SLC26A11: variants seen among roughly 807,000 people sequenced by gnomAD.
SLC26A11 encodes solute carrier family 26 member 11.
A neutral mutation model predicts 62.2 loss-of-function variants in SLC26A11; 58 were observed. The ratio of observed to expected loss-of-function variants is 0.93; its 90% CI spans 0.76 to 1.16. The LOEUF is 1.16. Ranked by LOEUF, SLC26A11 falls within the 50% of genes most tolerant of loss-of-function variation. SLC26A11 has a pLI of 0.00. For missense variants in SLC26A11, 790 were observed against 794.3 expected, an observed-to-expected ratio of 0.99 and a Z score of 0.06; for synonymous variants, 411 against 368.9, an observed-to-expected ratio of 1.11 and a Z score of -1.31.
At chr17:80,245,125 C>G in intron 10 of SLC26A11, 71 bp from the exon 11 acceptor site, 1 of 1,460,898 alleles carries the variant, frequency 6.8e-7, no homozygotes, top group Non-Finnish European at 9.6e-7. Context: ...TTTTTGTCCC[C>G]CTCCCCATCT....
chr17:80,222,896 G>A lies in SLC26A11; in HGVS notation c.427+49G>A. On this transcript the variant is annotated intron_variant, in intron 4 of 17. Transcript: ENST00000361193. The surrounding 1 kb of genome is among the most constrained non-coding windows in gnomAD (Gnocchi z 4.7). ...GGGGATGCCCTCGACCTCAGCATTT[G>A]CTTGTTTGCATTTCAAGTCTATCCC... The A allele has an allele frequency of 6.3e-7, 1 of 1,582,512 alleles. No individual in the cohort carries two copies. Among genetic ancestry groups the A allele is most frequent in the Non-Finnish European group, 8.6e-7 (1 of 1,160,738 alleles).
intron 2 of SLC26A11, 57 bp downstream of exon 2, chr17:80,221,172 G>A (rs1243339871): frequency 2.7e-5 from 5 of 183,724 alleles, no homozygotes; most frequent in Non-Finnish European, 3.3e-5. Context: ...TCCCTGGGGA[G>A]ACGGAAAAAA....
In SLC26A11 at chr17:80,246,735, GC is replaced by G; in HGVS notation, c.1294+91del. 6.6e-7 allele frequency: 1 copy of G among 1,513,850 alleles called. No individual in the cohort carries two copies. Among genetic ancestry groups the G allele is most frequent in the Non-Finnish European group, 8.9e-7 (1 of 1,125,844 alleles). 93.8% of individuals were successfully genotyped at this position (1,513,850 alleles called of 1,614,324 possible). A position where few individuals can be genotyped will look rare whatever the true frequency, so the allele number is the denominator to read the frequency against. ...ATTTATGCTACCCCATTTTCCTGCA[GC>G]CCCCTCTGTGGGGCTGGGACTGGGA... On this transcript the variant is annotated intron_variant, in intron 13 of 17. Coordinates refer to ENST00000361193, the MANE Select transcript of SLC26A11 (RefSeq NM_001166347.2). The surrounding 1 kb of genome is among the most constrained non-coding windows in gnomAD (Gnocchi z 4.4).
rs2043185113 is a variant in SLC26A11 at position 80,252,692 on chromosome 17, A to G, written c.1797A>G (p.Gln599=). 3 of 1,613,924 alleles carry G rather than the reference A, an allele frequency of 1.9e-6. No homozygotes were observed. The highest frequency in any genetic ancestry group is 2.5e-6 in the Non-Finnish European group (3 of 1,179,968). Residue 599 remains glutamine (Q), a synonymous_variant, in exon 18 of 18, where the codon CAA becomes CAG. Transcript: ENST00000361193. The surrounding 1 kb of genome is among the most constrained non-coding windows in gnomAD (Gnocchi z 5.2). ...TCAGAGAAGACTCCATTCTGGACCA[A>G]AAGGTTGCCCTGCTCAAGGCATAAT... ...YNIREDSILD[Q]KVALLKA
Position 80,237,033 on chromosome 17 carries a change from C to T in SLC26A11, c.842C>T (p.Pro281Leu). 2 of 1,614,094 alleles carry T rather than the reference C, an allele frequency of 1.2e-6. No individual in the cohort carries two copies. Among genetic ancestry groups the T allele is most frequent in the Non-Finnish European group, 1.7e-6 (2 of 1,180,002 alleles). The change falls in exon 8 of 18, where the codon CCT (proline) becomes CTT (leucine). Residue 281 changes from proline to leucine, a missense_variant. Transcript: ENST00000361193. ...ILTGETAEGLPPVRIPPFSVT... is the reference protein window; with the variant it reads ...ILTGETAEGLLPVRIPPFSVT... ...ACAGGGGAGACAGCTGAGGGGCTCC[C>T]TCCAGTCCGGATCCCGCCCTTCTCA... is the stretch of plus-strand genomic sequence containing the variant.
intron 10 of SLC26A11, among the ~76,000 whole-genome samples, chr17:80,243,845 G>T (rs544934658): frequency 6.6e-6 from 1 of 152,214 alleles, no homozygotes; most frequent in Non-Finnish European, 1.5e-5. Context: ...CTCAGCAGCC[G>T]CACAGCAAGA....
chr17:80,226,654 T>G (rs1033719015), intron 6 of SLC26A11, among the ~76,000 whole-genome samples: 1 of 152,042 alleles, frequency 6.6e-6, no homozygotes, highest in African/African-American at 2.4e-5. Context: ...TGAGCTGAGA[T>G]CACGCCACTG....
Position 80,223,134 on chromosome 17 carries a change from GCTGCGGTAT to G in SLC26A11, c.428-113_428-105del. 1.1e-6 allele frequency: 1 copy of G among 950,816 alleles called. No homozygotes were observed. The highest frequency in any genetic ancestry group is 1.7e-6 in the Non-Finnish European group (1 of 602,600). 58.9% of individuals were successfully genotyped at this position (950,816 alleles called of 1,614,324 possible). A position where few individuals can be genotyped will look rare whatever the true frequency, so the allele number is the denominator to read the frequency against. ...CAGGGTGTGTTACCCCCAGTCCTTAGCTGCGGTATCTGCTCCCCAATCCCACCCATTGCC... is the reference window on the plus strand; with the variant it reads ...CAGGGTGTGTTACCCCCAGTCCTTAGCTGCTCCCCAATCCCACCCATTGCC... On this transcript the variant is annotated intron_variant, in intron 4 of 17. Transcript: ENST00000361193. This position sits in a 1 kb window ranked among gnomAD's most constrained non-coding sequence, Gnocchi z 4.6.
chr17:80,250,899 G>A (rs2043138873), intron 16 of SLC26A11, among the ~76,000 whole-genome samples: 2 of 152,052 alleles, frequency 1.3e-5, no homozygotes, highest in South Asian at 4.1e-4. Context: ...CCAGCACTTT[G>A]GGAGGCCGAG....
intron 10 of SLC26A11, 57 bp from the exon 11 acceptor site, chr17:80,245,139 T>C: frequency 6.5e-7 from 1 of 1,546,188 alleles, no homozygotes; most frequent in Non-Finnish European, 8.9e-7. Context: ...CCCATCTCCT[T>C]TCCCTCCATC....
At position 80,220,521 on chromosome 17, in the gene SLC26A11, G is replaced by A. The variant is rs1333194516; in HGVS notation, c.-214+25G>A. On this transcript the variant is annotated intron_variant, in intron 1 of 17. Coordinates refer to ENST00000361193, the MANE Select transcript of SLC26A11 (RefSeq NM_001166347.2). ...GGTGAGTCCGTGGCCCGCGAGGGCG[G>A]CGAGCGGGGACCAGGGGCAGGGGGA... is the stretch of plus-strand genomic sequence containing the variant. The A allele has an allele frequency of 1.8e-5, 8 of 453,660 alleles. No homozygotes were observed. The East Asian group carries it at 2.9e-4, about 17-fold the overall frequency. The allele number at this position is 453,660 out of a possible 1,614,324, so 28.1% of individuals were successfully genotyped here.
intron 15 of SLC26A11, 66 bp downstream of exon 15, chr17:80,248,740 G>A: frequency 6.9e-7 from 1 of 1,447,918 alleles, no homozygotes; most frequent in Non-Finnish European, 9.4e-7. Flanking sequence ...ACTCCCTGCT[G>A]TTCAGGACCC....
rs148979132 is a variant in SLC26A11, at chr17:80,223,252, G to C, written c.428G>C (p.Gly143Ala). The change falls in exon 5 of 18, where the codon GGG (glycine) becomes GCG (alanine). Residue 143 changes from glycine to alanine, a missense_variant and splice_region_variant. Coordinates refer to ENST00000361193, the MANE Select transcript of SLC26A11 (RefSeq NM_001166347.2). The surrounding 1 kb of genome is among the most constrained non-coding windows in gnomAD (Gnocchi z 4.6). ...TCGATGTCCCCTCTTGGCTGGCCAG[G>C]GTTCCTGCTGGACTTCATTTCCTAC... ...IQLAMGVLRL[G>A]FLLDFISYPV... The C allele has an allele frequency of 2.5e-6, 4 of 1,614,088 alleles. No individual in the cohort carries two copies. Among genetic ancestry groups the C allele is most frequent in the Non-Finnish European group, 3.4e-6 (4 of 1,179,968 alleles).
At position 80,221,722 on chromosome 17, in the gene SLC26A11, C is replaced by T. The variant is rs765404032; in HGVS notation, c.162C>T (p.Ala54=). The T allele has an allele frequency of 5.0e-6, 8 of 1,613,606 alleles. No homozygotes were observed. In the African/African-American group the frequency reaches 5.3e-5, roughly 11 times the overall value. The change falls in exon 3 of 18, where the codon GCC becomes GCT. Residue 54 remains alanine, a synonymous_variant. Transcript: ENST00000361193. ...SLQWLKMDFV[A]GLSVGLTAIP... The stretch of plus-strand genomic sequence containing the variant: ...AGTGGCTGAAGATGGATTTCGTCGC[C>T]GGCCTCTCAGTTGGCCTCACTGCCA...
At chr17:80,247,760 C>T (rs2043047052) in intron 13 of SLC26A11, among the ~76,000 whole-genome samples, 1 of 152,188 alleles carries the variant, frequency 6.6e-6, no homozygotes, top group Middle Eastern at 3.2e-3. Context: ...CAGGGCTAAG[C>T]CCGTGCACTT....
chr17:80,246,281 G>A lies in SLC26A11; in HGVS notation c.1153+72G>A, dbSNP rs1037324179. ...AGAAAGGGAGGAGGGGGCCCACAGA[G>A]ACGTCCCTTTGGCTCATGGGCCGTG... is the stretch of plus-strand genomic sequence containing the variant. On this transcript the variant is annotated intron_variant, in intron 12 of 17. Coordinates refer to ENST00000361193, the MANE Select transcript of SLC26A11 (RefSeq NM_001166347.2). This position sits in a 1 kb window ranked among gnomAD's most constrained non-coding sequence, Gnocchi z 4.4. 123 of 1,551,916 alleles carry A rather than the reference G, an allele frequency of 7.9e-5. No homozygotes were observed. The highest frequency in any genetic ancestry group is 1.0e-4 in the Non-Finnish European group (120 of 1,146,642).
chr17:80,246,114 C>G lies in SLC26A11; in HGVS notation c.1098-40C>G. ...AGTGTGGACTGAGGTCTCCCTTTTC[C>G]CGGCCCCTGGTGACTGACGGTCTCT... On this transcript the variant is annotated intron_variant, in intron 11 of 17. Transcript: ENST00000361193. The surrounding 1 kb of genome is among the most constrained non-coding windows in gnomAD (Gnocchi z 4.4). 2 of 1,612,354 alleles carry G rather than the reference C, an allele frequency of 1.2e-6. No individual in the cohort carries two copies. Among genetic ancestry groups the G allele is most frequent in the Non-Finnish European group, 1.7e-6 (2 of 1,179,272 alleles).
At position 80,246,498 on chromosome 17, in the gene SLC26A11, G is replaced by A. The variant is rs746573931; in HGVS notation, c.1154-11G>A. 4.0e-5 allele frequency: 65 copies of A among 1,608,894 alleles called. No individual in the cohort carries two copies. The highest frequency in any genetic ancestry group is 4.8e-5 in the Non-Finnish European group (57 of 1,179,968). On this transcript the variant is annotated splice_polypyrimidine_tract_variant and intron_variant, in intron 12 of 17. Transcript: ENST00000361193. The surrounding 1 kb of genome is among the most constrained non-coding windows in gnomAD (Gnocchi z 4.4). Reference sequence around the variant, plus strand: ...CACTCCCGAGGTCACCTGTGTTCCCGTGCCCCGCAGGAGTGCTGGTGCTGC... The same window carrying A: ...CACTCCCGAGGTCACCTGTGTTCCCATGCCCCGCAGGAGTGCTGGTGCTGC...
At position 80,238,827 on chromosome 17, in the gene SLC26A11, G is replaced by GTT. The variant is rs1197738028; in HGVS notation, c.985+1247_985+1248dup. 4.6e-5 allele frequency among the ~76,000 whole-genome samples: 6 copies of GTT among 130,870 alleles called. 2 individuals are homozygous for GTT. Among genetic ancestry groups the GTT allele is most frequent in the Admixed American group, 1.6e-4 (2 of 12,454 alleles). The allele number at this position is 130,870 out of a possible 152,430, so 85.9% of individuals were successfully genotyped here. A position where few individuals can be genotyped will look rare whatever the true frequency, so the allele number is the denominator to read the frequency against. ...TTCAAAGGAGTTTTTTTTGTTTTTT[G>GTT]TTTTTTTTTTTTTTTGGAGACAGAG... On this transcript the variant is annotated intron_variant, in intron 9 of 17. Transcript: ENST00000361193.
Sources: allele counts gnomAD v4.1 joint callset (sites outside exome capture counted in the v4.1 genomes callset), GRCh38; gene constraint gnomAD v4.1.1; non-coding constraint Gnocchi (gnomAD v3.1); transcripts MANE v1.5; gene names NCBI Gene and HGNC (gene_info 2026-07-23, HGNC 2026-07-21).